PLEKHG1: variants seen among roughly 807,000 people sequenced by gnomAD.
PLEKHG1 encodes the protein pleckstrin homology and RhoGEF domain containing G1, also known as pleckstrin homology domain-containing family G member 1.
In PLEKHG1, 44 loss-of-function variants were observed where a neutral mutation model predicts 100.8. The ratio of observed to expected loss-of-function variants is 0.44; its 90% CI spans 0.34 to 0.56. The LOEUF (loss-of-function observed/expected upper bound fraction) is 0.56. Ranked by LOEUF, PLEKHG1 falls within the 20% of genes least tolerant of loss-of-function variation. The pLI is 0.01. For missense variants in PLEKHG1, 1,545 were observed against 1,720.9 expected (o/e 0.90, Z 1.81); for synonymous variants, 640 against 662.5 (o/e 0.97, Z 0.52).
intron 2 of PLEKHG1, among the ~76,000 whole-genome samples, chr6:150,739,226 A>G (rs1421382037): frequency 1.3e-5 from 2 of 152,210 alleles, no homozygotes; most frequent in African/African-American, 4.8e-5. Context: ...ATACTAAATT[A>G]AGCCATATTT....
rs368296620 is a variant in PLEKHG1 at position 150,730,808 on chromosome 6, C to T, written c.-98-2776C>T. ...ATCCCAGCTACTAGGTAGGCTGAGG[C>T]AGGAGATCGCTTGAACCTGGGAGGC... On this transcript the variant is annotated intron_variant, in intron 1 of 15. Transcript: ENST00000358517. Among the ~76,000 whole-genome samples, 11 of 151,852 alleles carry T rather than the reference C, an allele frequency of 7.2e-5. No individual in the cohort carries two copies. In the East Asian group the frequency reaches 1.7e-3, roughly 24 times the overall value.
chr6:150,735,111 TGAG>T, intron 2 of PLEKHG1, among the ~76,000 whole-genome samples: 1 of 151,430 alleles, frequency 6.6e-6, no homozygotes, highest in South Asian at 2.1e-4. Flanking sequence ...CTCAGCATCC[TGAG>T]TAGCTGGAAT....
Position 150,749,267 on chromosome 6 carries a change from T to C in PLEKHG1, c.411+15175T>C, listed in dbSNP as rs552620707. Among the ~76,000 whole-genome samples the C allele has an allele frequency of 4.6e-5, 7 of 152,226 alleles. No individual in the cohort carries two copies. The South Asian group carries it at 6.2e-4, about 14-fold the overall frequency. On this transcript the variant is annotated intron_variant, in intron 2 of 15. Transcript: ENST00000358517. Reference sequence around the variant, plus strand: ...TTGTCAATGAAATTTTCTGGAAACATACTTGATTGCCCAGTTGTCTACATC... The same window carrying C: ...TTGTCAATGAAATTTTCTGGAAACACACTTGATTGCCCAGTTGTCTACATC...
chr6:150,618,586 A>G (rs1777162217), intron 1 of PLEKHG1, among the ~76,000 whole-genome samples: 1 of 152,242 alleles, frequency 6.6e-6, no homozygotes, highest in Non-Finnish European at 1.5e-5. Flanking sequence ...AATAACCCTA[A>G]GAGCATAGAT....
chr6:150,700,086 C>T (rs1780704773), intron 3 of PLEKHG1, among the ~76,000 whole-genome samples: 1 of 152,136 alleles, frequency 6.6e-6, no homozygotes, highest in Non-Finnish European at 1.5e-5. Context: ...TATGGAAGGA[C>T]CCAATATTAC....
chr6:150,752,482 ACTTT>A (rs1783576177), intron 2 of PLEKHG1, among the ~76,000 whole-genome samples: 1 of 152,058 alleles, frequency 6.6e-6, no homozygotes, highest in Non-Finnish European at 1.5e-5. Context: ...CCTCCAGTCT[ACTTT>A]CTGTCTCTCT....
At chr6:150,673,394 G>A (rs1212559853) in intron 3 of PLEKHG1, among the ~76,000 whole-genome samples, 1 of 152,190 alleles carries the variant, frequency 6.6e-6, no homozygotes, top group Non-Finnish European at 1.5e-5. Flanking sequence ...GGATCCCCAG[G>A]TGTTTAGCTG....
At chr6:150,806,829 C>CAAAAAAA (rs3072754) in intron 7 of PLEKHG1, among the ~76,000 whole-genome samples, 2 of 90,196 alleles carry the variant, frequency 2.2e-5, no homozygotes, top group Non-Finnish European at 2.2e-5. Flanking sequence ...GACTCCATCT[C>CAAAAAAA]AAAAAAAAAA....
At chr6:150,822,079 G>T (rs1417265291) in intron 13 of PLEKHG1, among the ~76,000 whole-genome samples, 1 of 136,800 alleles carries the variant, frequency 7.3e-6, no homozygotes, top group Non-Finnish European at 1.5e-5. Context: ...AACCTCAGGT[G>T]ATCCACCCGC....
At chr6:150,718,760 G>A (rs1356989645), upstream of PLEKHG1, among the ~76,000 whole-genome samples, 2 of 151,982 alleles carry the variant, frequency 1.3e-5, no homozygotes, top group Admixed American at 1.3e-4. Context: ...AAGCCACCGC[G>A]CCTGGCCTTT....
chr6:150,834,673 T>C (rs1357286393), intron 15 of PLEKHG1, among the ~76,000 whole-genome samples: 1 of 152,220 alleles, frequency 6.6e-6, no homozygotes, highest in Non-Finnish European at 1.5e-5. Flanking sequence ...CTCTCCTTTT[T>C]GTTTTGCCTG....
At chr6:150,754,476 G>C (rs575775058) in intron 2 of PLEKHG1, among the ~76,000 whole-genome samples, 5 of 152,250 alleles carry the variant, frequency 3.3e-5, no homozygotes, top group African/African-American at 9.6e-5. Context: ...CCACAGTAGA[G>C]AGCTGGGTTA....
chr6:150,812,910 G>C (rs1787612427), intron 10 of PLEKHG1, among the ~76,000 whole-genome samples: 1 of 152,148 alleles, frequency 6.6e-6, no homozygotes, highest in African/African-American at 2.4e-5. Flanking sequence ...GGACTTGGGG[G>C]AAGACAAAGG....
chr6:150,749,347 G>A (rs146671308), intron 2 of PLEKHG1, among the ~76,000 whole-genome samples: 24 of 152,324 alleles, frequency 1.6e-4, no homozygotes, highest in African/African-American at 5.1e-4. Flanking sequence ...GGAAGAGCTG[G>A]CCACTTCATC....
chr6:150,835,670 A>G (rs1483336586), intron 15 of PLEKHG1, among the ~76,000 whole-genome samples: 2 of 152,172 alleles, frequency 1.3e-5, no homozygotes, highest in Non-Finnish European at 2.9e-5. Flanking sequence ...GTGTCATCTC[A>G]GGCTGGCTGT....
chr6:150,809,790 A>T, intron 10 of PLEKHG1, 56 bp downstream of exon 11: 1 of 1,344,190 alleles, frequency 7.4e-7, no homozygotes. Context: ...AATCATTTGA[A>T]CCTGGGAGGT....
At chr6:150,733,799 A>G (rs752120633) in exon 2 of PLEKHG1, 12 of 1,614,164 alleles carry the variant, frequency 7.4e-6, no homozygotes, top group Admixed American at 5.0e-5. Context: ...AAATAGCCAC[A>G]TGGGCTTGTT....
At chr6:150,635,018 C>A (rs1238567946) in intron 1 of PLEKHG1, among the ~76,000 whole-genome samples, 3 of 152,138 alleles carry the variant, frequency 2.0e-5, no homozygotes, top group Non-Finnish European at 4.4e-5. Flanking sequence ...ATAATTAGTT[C>A]TCAAACCTGT....
Position 150,639,680 on chromosome 6 carries a change from A to G in PLEKHG1, c.-158+1555A>G, listed in dbSNP as rs995574561. On this transcript the variant is annotated intron_variant, in intron 2 of 3. Coordinates refer to the PLEKHG1 transcript ENST00000367326. ...AGAGTCTGGGCTCATCTACATAGTG[A>G]TGGGGACCATGGGAAGGATTGAAGC... Among the ~76,000 whole-genome samples the G allele has an allele frequency of 3.3e-5, 5 of 152,056 alleles. No homozygotes were observed. The East Asian group carries it at 9.6e-4, about 29-fold the overall frequency.
Sources: allele counts gnomAD v4.1 joint callset (sites outside exome capture counted in the v4.1 genomes callset), GRCh38; gene constraint gnomAD v4.1.1; transcripts MANE v1.5; gene names NCBI Gene and HGNC (gene_info 2026-07-23, HGNC 2026-07-21).